The following MBD5 variants were observed in gnomAD, a reference collection of about 807,000 sequenced individuals.
The protein encoded by MBD5 is methyl-CpG-binding domain protein 5.
A neutral mutation model predicts 117.3 loss-of-function variants in MBD5; 13 were observed. The ratio of observed to expected loss-of-function variants is 0.11; its 90% CI spans 0.07 to 0.18. MBD5 has a LOEUF of 0.18. Among genes scored for constraint, MBD5 ranks in the 10% least tolerant of loss-of-function variants. The pLI is 1.00. For synonymous variants in MBD5, 727 were observed against 766.4 expected, an observed-to-expected ratio of 0.95 and a Z score of 0.85; for missense variants, 1,879 against 2,093.8, an observed-to-expected ratio of 0.90 and a Z score of 2.00.
At position 148,485,908 on chromosome 2, in the gene MBD5, A is replaced by T. The variant is rs1196455589; in HGVS notation, c.3711A>T (p.Pro1237=). 1 of 1,614,150 alleles carries T rather than the reference A, an allele frequency of 6.2e-7. No individual in the cohort carries two copies. The highest frequency in any genetic ancestry group is 1.6e-4 in the Middle Eastern group (1 of 6,062). Residue 1237 remains proline, a synonymous_variant, in exon 10 of 14, where the codon CCA becomes CCT. Coordinates refer to ENST00000642680, the MANE Select transcript of MBD5 (RefSeq NM_001378120.1). ...AFQGQSTIPC[P]ANNNPMACLF... Reference sequence around the variant, plus strand: ...AAGGACAGTCCACAATTCCTTGCCCAGCTAACAATAACCCCATGGCTTGTC... The same window carrying T: ...AAGGACAGTCCACAATTCCTTGCCCTGCTAACAATAACCCCATGGCTTGTC...
chr2:148,344,420 T>C (rs1703032875), intron 4 of MBD5, among the ~76,000 whole-genome samples: 1 of 152,084 alleles, frequency 6.6e-6, no homozygotes, highest in African/African-American at 2.4e-5. Context: ...ATGGCCCTTT[T>C]AAAAATATCG....
intron 4 of MBD5, among the ~76,000 whole-genome samples, chr2:148,392,961 C>T (rs1350034692): frequency 1.3e-5 from 2 of 152,038 alleles, no homozygotes; most frequent in African/African-American, 4.8e-5. Flanking sequence ...AAATTGGAAA[C>T]ATTTTTAAAA....
chr2:148,186,013 C>T (rs1698648116), intron 2 of MBD5, among the ~76,000 whole-genome samples: 1 of 152,212 alleles, frequency 6.6e-6, no homozygotes, highest in African/African-American at 2.4e-5. Flanking sequence ...TTCTTTACCT[C>T]TATAACACAC....
chr2:148,150,600 A>G (rs913852365), intron 1 of MBD5, among the ~76,000 whole-genome samples: 29 of 151,840 alleles, frequency 1.9e-4, no homozygotes, highest in Middle Eastern at 3.4e-3. Flanking sequence ...ATTTGTTTGT[A>G]TCCTCTTTTA....
chr2:148,493,334 A>G (rs1681588237), intron 11 of MBD5, among the ~76,000 whole-genome samples: 1 of 152,220 alleles, frequency 6.6e-6, no homozygotes, highest in Non-Finnish European at 1.5e-5. Flanking sequence ...CCACCAGATA[A>G]AAATCTACGT....
intron 4 of MBD5, among the ~76,000 whole-genome samples, chr2:148,438,131 A>C (rs77493269): frequency 0.013 from 2,052 of 152,340 alleles, 37 homozygotes; most frequent in Middle Eastern, 0.051. Context: ...TATTTTGTAC[A>C]TCCAGTATTG....
At chr2:148,024,651 C>G (rs1472443443) in intron 1 of MBD5, among the ~76,000 whole-genome samples, 4 of 152,104 alleles carry the variant, frequency 2.6e-5, no homozygotes, top group African/African-American at 9.7e-5. Flanking sequence ...TTCTTTATCT[C>G]TACTGTGGCT....
intron 3 of MBD5, among the ~76,000 whole-genome samples, chr2:148,239,026 A>ACACG (rs1700153313): frequency 6.6e-6 from 1 of 150,754 alleles, no homozygotes; most frequent in Non-Finnish European, 1.5e-5. Context: ...ATATACACAC[A>ACACG]CACACGTGTG....
intron 2 of MBD5, among the ~76,000 whole-genome samples, chr2:148,197,178 C>G (rs1038839946): frequency 5.6e-4 from 85 of 152,232 alleles, no homozygotes; most frequent in African/African-American, 1.9e-3. Flanking sequence ...GCTAGGATCT[C>G]TCTCAGAATA....
chr2:148,445,542 G>A (rs1706474210), intron 4 of MBD5, among the ~76,000 whole-genome samples: 1 of 151,274 alleles, frequency 6.6e-6, no homozygotes, highest in Non-Finnish European at 1.5e-5. Context: ...ATCATTGTTG[G>A]ACATTTGGGT....
At chr2:148,212,443 T>C (rs1176355024) in intron 2 of MBD5, among the ~76,000 whole-genome samples, 2 of 152,232 alleles carry the variant, frequency 1.3e-5, no homozygotes, top group Non-Finnish European at 2.9e-5. Flanking sequence ...TTCTATTATA[T>C]AGATATACAG....
chr2:148,258,785 G>C (rs1223822881), intron 3 of MBD5, among the ~76,000 whole-genome samples: 2 of 152,212 alleles, frequency 1.3e-5, no homozygotes, highest in Non-Finnish European at 2.9e-5. Context: ...ATATCCATGA[G>C]CGTGTCACTT....
At chr2:148,138,420 A>C (rs527645759) in intron 1 of MBD5, among the ~76,000 whole-genome samples, 2 of 152,356 alleles carry the variant, frequency 1.3e-5, no homozygotes, top group Non-Finnish European at 2.9e-5. Flanking sequence ...TTTATCAAGG[A>C]ATTTTGCCGA....
intron 6 of MBD5, among the ~76,000 whole-genome samples, chr2:148,463,036 G>A (rs940316872): frequency 2.0e-5 from 3 of 152,010 alleles, no homozygotes; most frequent in African/African-American, 4.8e-5. Flanking sequence ...GTTAGCACTG[G>A]TATTGATAAA....
Position 148,293,225 on chromosome 2 carries a change from G to T in MBD5, c.-679-48989G>T, listed in dbSNP as rs554010381. Among the ~76,000 whole-genome samples, 7 of 152,048 alleles carry T rather than the reference G, an allele frequency of 4.6e-5. No individual in the cohort carries two copies. In the East Asian group the frequency reaches 1.4e-3, roughly 29 times the overall value. ...AGTCCCAACTCCCTGGGAGGCTATG[G>T]TTGCCAGAGGCTGGGAAGGGTAGTA... On this transcript the variant is annotated intron_variant, in intron 3 of 13. Transcript: ENST00000642680.
intron 4 of MBD5, among the ~76,000 whole-genome samples, chr2:148,361,407 A>G (rs1185533164): frequency 6.6e-6 from 1 of 152,154 alleles, no homozygotes. Context: ...TCTTTTCAGT[A>G]CATATTCTTC....
chr2:148,131,859 G>T (rs1697057036), intron 1 of MBD5, among the ~76,000 whole-genome samples: 1 of 152,082 alleles, frequency 6.6e-6, no homozygotes, highest in Admixed American at 6.6e-5. Context: ...ATAGATGAGT[G>T]GGATGTTATC....
chr2:148,511,702 C>A (rs141052943), intron 13 of MBD5, among the ~76,000 whole-genome samples: 1 of 152,242 alleles, frequency 6.6e-6, no homozygotes, highest in East Asian at 1.9e-4. Context: ...TAAAAAGTTT[C>A]TTTCCTCAGT....
intron 2 of MBD5, among the ~76,000 whole-genome samples, chr2:148,182,992 A>G (rs965781899): frequency 6.6e-6 from 1 of 152,170 alleles, no homozygotes; most frequent in Non-Finnish European, 1.5e-5. Context: ...ACATACCTAA[A>G]TTAATCCTGC....
Sources: gnomAD v4.1 joint callset for allele counts (sites outside exome capture counted in the v4.1 genomes callset) on GRCh38, gnomAD v4.1.1 for gene constraint, MANE v1.5 for transcripts, NCBI Gene and HGNC (gene_info 2026-07-23, HGNC 2026-07-21) for gene names.